The following MVB12B variants were observed in gnomAD, a reference collection of about 807,000 sequenced individuals.
MVB12B encodes ESCRT-I complex subunit MVB12B.
Under a neutral mutation model 41.6 loss-of-function variants are expected in MVB12B, and 16 were observed. The ratio of observed to expected loss-of-function variants is 0.38; its 90% CI spans 0.26 to 0.58. MVB12B has a LOEUF of 0.58. Among genes scored for constraint, MVB12B ranks in the 20% least tolerant of loss-of-function variants. The pLI, the probability that MVB12B is intolerant of heterozygous loss-of-function variation, is 0.62. For missense variants in MVB12B, 274 were observed against 380.2 expected (o/e 0.72, Z 2.32); for synonymous variants, 133 against 139.7 (o/e 0.95, Z 0.34).
intron 7 of MVB12B, among the ~76,000 whole-genome samples, chr9:126,425,681 T>C (rs1232443574): frequency 6.6e-6 from 1 of 152,252 alleles, no homozygotes; most frequent in Admixed American, 6.5e-5. Context: ...GATCACTGTC[T>C]GTAATTCCAG....
At chr9:126,448,860 A>T (rs1322454656) in intron 7 of MVB12B, among the ~76,000 whole-genome samples, 1 of 152,210 alleles carries the variant, frequency 6.6e-6, no homozygotes, top group Non-Finnish European at 1.5e-5. Flanking sequence ...TCACATGTCA[A>T]CGTGAAATTT....
At chr9:126,433,735 G>C (rs1263629649) in intron 7 of MVB12B, among the ~76,000 whole-genome samples, 1 of 152,122 alleles carries the variant, frequency 6.6e-6, no homozygotes, top group Non-Finnish European at 1.5e-5. Flanking sequence ...CATTCCTTGT[G>C]AGTATTCCCT....
rs534808368 is a variant in MVB12B, at chr9:126,391,555, G to A, written c.410-511G>A. On this transcript the variant is annotated intron_variant, in intron 4 of 9. Coordinates refer to ENST00000361171, the MANE Select transcript of MVB12B (RefSeq NM_033446.3). This position sits in a 1 kb window ranked among gnomAD's most constrained non-coding sequence, Gnocchi z 4.4. ...GGTGACATAACGTAGTGTCGTCAGG[G>A]ATTCATTTTAAATATCCAGCAAAAC... 2.6e-5 allele frequency among the ~76,000 whole-genome samples: 4 copies of A among 152,198 alleles called. No homozygotes were observed. The highest frequency in any genetic ancestry group is 5.9e-5 in the Non-Finnish European group (4 of 68,030).
chr9:126,472,346 C>T (rs1282664695), intron 7 of MVB12B, among the ~76,000 whole-genome samples: 1 of 151,698 alleles, frequency 6.6e-6, no homozygotes, highest in Non-Finnish European at 1.5e-5. Flanking sequence ...AAAGTTCCTA[C>T]AGATTCATGG....
At chr9:126,482,902 GC>G (rs1216691736) in intron 8 of MVB12B, among the ~76,000 whole-genome samples, 1 of 152,262 alleles carries the variant, frequency 6.6e-6, no homozygotes, top group Non-Finnish European at 1.5e-5. Context: ...CACTACGGGG[GC>G]CGCCGCTTTT....
At chr9:126,494,923 G>A (rs1833800240) in intron 9 of MVB12B, among the ~76,000 whole-genome samples, 1 of 151,808 alleles carries the variant, frequency 6.6e-6, no homozygotes, top group African/African-American at 2.4e-5. Flanking sequence ...CAGGCCCGGT[G>A]GCTCACACCT....
chr9:126,487,780 A>AAT (rs922755764), intron 9 of MVB12B, among the ~76,000 whole-genome samples: 30 of 151,982 alleles, frequency 2.0e-4, no homozygotes, highest in East Asian at 5.8e-4. Context: ...AAAAAAAAAA[A>AAT]AAATAACAAA....
In MVB12B at chr9:126,395,425, G is replaced by T; in HGVS notation, c.540-150G>T. 1 of 926,250 alleles carries T rather than the reference G, an allele frequency of 1.1e-6. No homozygotes were observed. Among genetic ancestry groups the T allele is most frequent in the Non-Finnish European group, 1.6e-6 (1 of 611,650 alleles). The allele number at this position is 926,250 out of a possible 1,614,324, so 57.4% of individuals were successfully genotyped here. ...GAACTATGACACCCAGAGCACAAAG[G>T]AGACGGTGGAACCCATTTCACGTGG... On this transcript the variant is annotated intron_variant, in intron 5 of 9. Transcript: ENST00000361171. This position sits in a 1 kb window ranked among gnomAD's most constrained non-coding sequence, Gnocchi z 4.9.
chr9:126,433,919 C>T (rs963465238), intron 7 of MVB12B, among the ~76,000 whole-genome samples: 17 of 152,056 alleles, frequency 1.1e-4, no homozygotes, highest in Non-Finnish European at 2.1e-4. Context: ...GGTAAACTCT[C>T]GATGGCCTGC....
At chr9:126,408,961 G>A (rs559162562) in intron 6 of MVB12B, among the ~76,000 whole-genome samples, 1 of 152,008 alleles carries the variant, frequency 6.6e-6, no homozygotes, top group Non-Finnish European at 1.5e-5. Flanking sequence ...GTCCCGCAGC[G>A]CCCACCTTCT....
intron 2 of MVB12B, among the ~76,000 whole-genome samples, chr9:126,350,506 G>A (rs891061106): frequency 2.0e-5 from 3 of 152,104 alleles, no homozygotes; most frequent in African/African-American, 7.2e-5. Flanking sequence ...CTTAATTTCT[G>A]GAGGCTGGGA....
intron 7 of MVB12B, among the ~76,000 whole-genome samples, chr9:126,477,063 G>A (rs1282288101): frequency 1.3e-5 from 2 of 152,100 alleles, no homozygotes; most frequent in African/African-American, 2.4e-5. Flanking sequence ...TCTACAGGCT[G>A]TGCAGGAATC....
chr9:126,487,247 T>C (rs1164315971), intron 9 of MVB12B, among the ~76,000 whole-genome samples: 1 of 152,210 alleles, frequency 6.6e-6, no homozygotes, highest in African/African-American at 2.4e-5. Context: ...GTCCAGTGAA[T>C]GGCCTGAACC....
chr9:126,339,755 C>T (rs1829388039), intron 1 of MVB12B, among the ~76,000 whole-genome samples: 1 of 152,198 alleles, frequency 6.6e-6, no homozygotes. Context: ...TTGTGTGTCC[C>T]AAACCCCACC....
At chr9:126,421,631 T>A (rs114414828) in intron 6 of MVB12B, among the ~76,000 whole-genome samples, 150 of 152,202 alleles carry the variant, frequency 9.9e-4, no homozygotes, top group African/African-American at 3.4e-3. Flanking sequence ...CTTTCTAGTA[T>A]GGAAAAAAAA....
At position 126,503,532 on chromosome 9, in the gene MVB12B, ACCAGTTGTCCT is replaced by A. The variant is rs1834007192; in HGVS notation, c.*273_*283del. ...CGGCTCCTAACGTGTCTGTGTGATG[ACCAGTTGTCCT>A]CCAAAAACCTCACTCACCACGGAGT... On this transcript the variant is annotated 3_prime_UTR_variant, in exon 10 of 10. Transcript: ENST00000361171. 4.0e-6 allele frequency: 2 copies of A among 504,704 alleles called. No homozygotes were observed. Among genetic ancestry groups the A allele is most frequent in the African/African-American group, 3.9e-5 (2 of 51,074 alleles). 31.3% of individuals were successfully genotyped at this position (504,704 alleles called of 1,614,324 possible).
chr9:126,385,901 C>T (rs1830775024), intron 3 of MVB12B, among the ~76,000 whole-genome samples: 1 of 152,164 alleles, frequency 6.6e-6, no homozygotes. Flanking sequence ...GAATGGTGTA[C>T]TGTCTTAGAA....
chr9:126,420,158 C>T (rs1831962784), intron 6 of MVB12B, among the ~76,000 whole-genome samples: 1 of 152,224 alleles, frequency 6.6e-6, no homozygotes, highest in African/African-American at 2.4e-5. Context: ...TACCAGCACT[C>T]AGTTTTTCTT....
At chr9:126,347,413 A>G (rs1829628024) in intron 2 of MVB12B, among the ~76,000 whole-genome samples, 1 of 152,356 alleles carries the variant, frequency 6.6e-6, no homozygotes, top group African/African-American at 2.4e-5. Context: ...CTAATTAGAC[A>G]AAAGAACCTT....
Sources: allele counts gnomAD v4.1 joint callset (sites outside exome capture counted in the v4.1 genomes callset), GRCh38; gene constraint gnomAD v4.1.1; non-coding constraint Gnocchi (gnomAD v3.1); transcripts MANE v1.5; gene names NCBI Gene and HGNC (gene_info 2026-07-23, HGNC 2026-07-21).